The following SPOCK3 variants were observed in gnomAD, a reference collection of about 807,000 sequenced individuals.
The protein encoded by SPOCK3 is SPARC (osteonectin), cwcv and kazal like domains proteoglycan 3.
SPOCK3 carries 30 observed loss-of-function variants against 56.6 expected under a neutral mutation model. That is an observed-to-expected ratio of 0.53 (90% CI 0.40 to 0.72). The LOEUF (loss-of-function observed/expected upper bound fraction) is 0.72. Among genes scored for constraint, SPOCK3 ranks in the 30% least tolerant of loss-of-function variants. SPOCK3 has a pLI of 0.00. For synonymous variants in SPOCK3, 196 were observed against 183.3 expected (o/e 1.07, Z -0.56); for missense variants, 527 against 530.0 (o/e 0.99, Z 0.06).
At chr4:166,815,195 C>A (rs1040627159) in intron 6 of SPOCK3, among the ~76,000 whole-genome samples, 1 of 151,804 alleles carries the variant, frequency 6.6e-6, no homozygotes, top group Non-Finnish European at 1.5e-5. Flanking sequence ...AACTGATGTA[C>A]AGGGAAACCC....
At chr4:166,936,292 C>G (rs753014875) in intron 4 of SPOCK3, among the ~76,000 whole-genome samples, 1 of 151,960 alleles carries the variant, frequency 6.6e-6, no homozygotes, top group African/African-American at 2.4e-5. Context: ...AAGTTCTTGT[C>G]TGATTTTAAT....
intron 2 of SPOCK3, among the ~76,000 whole-genome samples, chr4:167,072,435 T>C (rs925492348): frequency 1.3e-5 from 2 of 151,966 alleles, no homozygotes; most frequent in African/African-American, 4.8e-5. Context: ...ATTCAGTATC[T>C]GGTCTTTTAC....
chr4:166,915,898 T>C (rs1229986578), intron 4 of SPOCK3, among the ~76,000 whole-genome samples: 1 of 152,206 alleles, frequency 6.6e-6, no homozygotes, highest in Non-Finnish European at 1.5e-5. Flanking sequence ...TACAACTTGC[T>C]TCCACTAATG....
intron 4 of SPOCK3, among the ~76,000 whole-genome samples, chr4:166,967,264 A>G (rs932570568): frequency 6.6e-6 from 1 of 152,092 alleles, no homozygotes; most frequent in Non-Finnish European, 1.5e-5. Flanking sequence ...TCTAACTCAA[A>G]GATTGAGCTG....
chr4:167,027,187 C>G (rs143011464), intron 3 of SPOCK3, among the ~76,000 whole-genome samples: 28 of 152,008 alleles, frequency 1.8e-4, no homozygotes, highest in African/African-American at 6.8e-4. Context: ...ACTGTAACAC[C>G]CTGAAAAATT....
chr4:167,000,104 A>G (rs1161884980), intron 4 of SPOCK3, among the ~76,000 whole-genome samples: 9 of 152,182 alleles, frequency 5.9e-5, no homozygotes, highest in Non-Finnish European at 7.3e-5. Flanking sequence ...AACATTTTAA[A>G]TATCATCTTT....
chr4:167,177,523 CTTA>C (rs925439178), intron 2 of SPOCK3, among the ~76,000 whole-genome samples: 6 of 151,916 alleles, frequency 3.9e-5, no homozygotes, highest in African/African-American at 1.5e-4. Context: ...ATTGGAAGGA[CTTA>C]TTATGGGATT....
chr4:166,958,922 A>G (rs1743821556), intron 4 of SPOCK3, among the ~76,000 whole-genome samples: 1 of 152,150 alleles, frequency 6.6e-6, no homozygotes, highest in South Asian at 2.1e-4. Flanking sequence ...TTTTTTGAAC[A>G]TAAAATCAGT....
At chr4:167,191,329 C>G (rs1256473712) in intron 2 of SPOCK3, among the ~76,000 whole-genome samples, 4 of 145,014 alleles carry the variant, frequency 2.8e-5, no homozygotes, top group Non-Finnish European at 4.5e-5. Flanking sequence ...ATGAAATTAC[C>G]CTCAGTATAG....
At chr4:166,887,870 A>T in intron 6 of SPOCK3, among the ~76,000 whole-genome samples, 1 of 151,434 alleles carries the variant, frequency 6.6e-6, no homozygotes, top group East Asian at 1.9e-4. Flanking sequence ...GAAAAAAAAA[A>T]AAAAAGAAGA....
intron 6 of SPOCK3, among the ~76,000 whole-genome samples, chr4:166,858,819 T>C (rs1455129760): frequency 6.6e-6 from 1 of 152,162 alleles, no homozygotes; most frequent in Non-Finnish European, 1.5e-5. Context: ...TCCTGCTCAC[T>C]GTTGGGCTCT....
chr4:166,864,983 A>G (rs1731651713), intron 6 of SPOCK3, among the ~76,000 whole-genome samples: 1 of 152,162 alleles, frequency 6.6e-6, no homozygotes, highest in Non-Finnish European at 1.5e-5. Flanking sequence ...ATAACAAAAA[A>G]AGAAAATTCC....
At chr4:166,747,986 A>T (rs1485657677) in intron 8 of SPOCK3, among the ~76,000 whole-genome samples, 1 of 152,036 alleles carries the variant, frequency 6.6e-6, no homozygotes, top group African/African-American at 2.4e-5. Flanking sequence ...AAATAAAAAA[A>T]GATACAAACA....
At chr4:166,937,934 C>CTTTTT (rs548107592) in intron 4 of SPOCK3, among the ~76,000 whole-genome samples, 35 of 131,558 alleles carry the variant, frequency 2.7e-4, no homozygotes, top group Non-Finnish European at 4.6e-4. Context: ...CGGCTAATCT[C>CTTTTT]TTTTTTTTTT....
chr4:167,020,208 C>T (rs1371088533), intron 3 of SPOCK3, among the ~76,000 whole-genome samples: 1 of 151,994 alleles, frequency 6.6e-6, no homozygotes, highest in Admixed American at 6.6e-5. Flanking sequence ...AAAATAGATA[C>T]AGCAGTTTGG....
chr4:166,898,316 A>C (rs1189665753), intron 5 of SPOCK3, among the ~76,000 whole-genome samples: 1 of 152,102 alleles, frequency 6.6e-6, no homozygotes, highest in Non-Finnish European at 1.5e-5. Flanking sequence ...AAGGGTTGTT[A>C]TCTTGACAAT....
At chr4:167,225,834 C>T (rs1378591543) in intron 2 of SPOCK3, among the ~76,000 whole-genome samples, 1 of 151,924 alleles carries the variant, frequency 6.6e-6, no homozygotes, top group East Asian at 1.9e-4. Flanking sequence ...TGATTTGCTG[C>T]AGTTTTTATT....
intron 2 of SPOCK3, among the ~76,000 whole-genome samples, chr4:167,101,259 A>T (rs1370253986): frequency 6.6e-6 from 1 of 151,920 alleles, no homozygotes; most frequent in Non-Finnish European, 1.5e-5. Flanking sequence ...CACTTCCCCA[A>T]AATTTTATGG....
chr4:167,085,971 G>A (rs114172907), intron 2 of SPOCK3, among the ~76,000 whole-genome samples: 1,703 of 152,114 alleles, frequency 0.011, 19 homozygotes, highest in Middle Eastern at 0.024. Flanking sequence ...GGTGATGTGG[G>A]AAGAACAGAA....
Sources: allele counts gnomAD v4.1 joint callset (sites outside exome capture counted in the v4.1 genomes callset), GRCh38; gene constraint gnomAD v4.1.1; transcripts MANE v1.5; gene names NCBI Gene and HGNC (gene_info 2026-07-23, HGNC 2026-07-21).